The following DACH2 variants were observed in gnomAD, a reference collection of about 807,000 sequenced individuals.
DACH2 encodes dachshund homolog 2.
A neutral mutation model predicts 35.8 loss-of-function variants in DACH2; 17 were observed. The ratio of observed to expected loss-of-function variants is 0.48; its 90% CI spans 0.33 to 0.71. The LOEUF (loss-of-function observed/expected upper bound fraction) is 0.71, where lower values mean the gene tolerates loss of function less well. Among genes scored for constraint, DACH2 ranks in the 30% least tolerant of loss-of-function variants. DACH2 has a pLI of 0.02. For missense variants in DACH2, 469 were observed against 472.7 expected (o/e 0.99, Z 0.07); for synonymous variants, 195 against 177.3 (o/e 1.10, Z -0.79).
At chrX:86,634,083 C>A (rs2040233880) in intron 3 of DACH2, among the ~76,000 whole-genome samples, 1 of 110,901 alleles carries the variant, frequency 9.0e-6, no homozygotes, top group Non-Finnish European at 1.9e-5. Flanking sequence ...GCAAGCATTT[C>A]TTACCATGGC....
At chrX:86,705,671 A>G (rs1203913175) in intron 5 of DACH2, among the ~76,000 whole-genome samples, 1 of 111,479 alleles carries the variant, frequency 9.0e-6, no homozygotes, top group Non-Finnish European at 1.9e-5. Flanking sequence ...GCCTCTATGG[A>G]AAACAATATG....
At chrX:86,680,207 A>T (rs1235288235) in intron 4 of DACH2, among the ~76,000 whole-genome samples, 1 of 112,090 alleles carries the variant, frequency 8.9e-6, no homozygotes, top group Non-Finnish European at 1.9e-5. Flanking sequence ...ACATAACTGC[A>T]TGCTTTAAAA....
chrX:86,412,587 G>C (rs993538567), intron 2 of DACH2, among the ~76,000 whole-genome samples: 1 of 111,937 alleles, frequency 8.9e-6, no homozygotes, highest in South Asian at 3.7e-4. Flanking sequence ...TAGCCATAAA[G>C]TGAGGGCCTT....
chrX:86,646,817 TC>T (rs1265283131), intron 3 of DACH2, among the ~76,000 whole-genome samples: 1 of 108,923 alleles, frequency 9.2e-6, no homozygotes, highest in African/African-American at 3.4e-5. Context: ...CACTTATACA[TC>T]CTAAATATAT....
intron 3 of DACH2, among the ~76,000 whole-genome samples, chrX:86,516,661 C>T (rs949551962): frequency 1.5e-4 from 16 of 110,069 alleles, no homozygotes; most frequent in African/African-American, 4.3e-4. Flanking sequence ...TTTCATCACC[C>T]GGGTATTAAG....
chrX:86,720,861 G>A (rs2041397784), intron 6 of DACH2, among the ~76,000 whole-genome samples: 1 of 112,602 alleles, frequency 8.9e-6, no homozygotes, highest in African/African-American at 3.2e-5. Context: ...GATATCCAAA[G>A]GTTTCCATAC....
At chrX:86,725,354 C>T (rs2041454557) in intron 6 of DACH2, among the ~76,000 whole-genome samples, 2 of 111,452 alleles carry the variant, frequency 1.8e-5, no homozygotes, top group Admixed American at 9.6e-5. Flanking sequence ...TTGGTTGAGT[C>T]GGATACTTTG....
rs759529012 is a variant in DACH2, at chrX:86,642,571, A to T, written c.641-8465A>T. On this transcript the variant is annotated intron_variant, in intron 3 of 11. Transcript: ENST00000373125. ...ATTGAGGAAGAAAATGAACAAACAT[A>T]CTGAGGACATAAACTCAGCATTGGA... Among the ~76,000 whole-genome samples the T allele has an allele frequency of 8.0e-5, 9 of 111,939 alleles. No homozygotes were observed. In the South Asian group the frequency reaches 3.4e-3, roughly 42 times the overall value.
rs968166923 is a variant in DACH2 at position 86,243,536 on chromosome X, G to C, written c.488+94428G>C. On this transcript the variant is annotated intron_variant, in intron 1 of 11. Coordinates refer to ENST00000373125, the MANE Select transcript of DACH2 (RefSeq NM_053281.3). ...TTTTCTGGTCATTACCTGTGTAAGA[G>C]AGATTTTTTTTTCTACCTTAATAGA... is the stretch of plus-strand genomic sequence containing the variant. 7.2e-5 allele frequency among the ~76,000 whole-genome samples: 8 copies of C among 111,534 alleles called. No homozygotes were observed. In the South Asian group the frequency reaches 1.1e-3, roughly 16 times the overall value.
intron 2 of DACH2, among the ~76,000 whole-genome samples, chrX:86,396,106 T>A (rs1270343824): frequency 1.8e-5 from 2 of 112,255 alleles, no homozygotes; most frequent in Non-Finnish European, 3.8e-5. Context: ...GGTATCTCAT[T>A]GTGGTTTTGA....
intron 3 of DACH2, among the ~76,000 whole-genome samples, chrX:86,579,391 C>G (rs1309598646): frequency 9.0e-6 from 1 of 111,169 alleles, no homozygotes; most frequent in African/African-American, 3.3e-5. Flanking sequence ...CTGCACCCAG[C>G]TACCATTTTT....
At chrX:86,442,391 G>GTGTGT (rs1556160713) in intron 2 of DACH2, among the ~76,000 whole-genome samples, 1 of 70,513 alleles carries the variant, frequency 1.4e-5, no homozygotes, top group East Asian at 5.1e-4. Context: ...GTGTGTGTAT[G>GTGTGT]TTTTTTTTTT....
intron 1 of DACH2, among the ~76,000 whole-genome samples, chrX:86,159,001 T>C (rs983097246): frequency 9.0e-5 from 10 of 111,672 alleles, no homozygotes; most frequent in African/African-American, 3.2e-4. Flanking sequence ...ATGACCATAG[T>C]TAATTGACCT....
At chrX:86,812,794 G>A (rs534517265) in intron 7 of DACH2, 62 bp from the exon 8 acceptor site, 16 of 866,405 alleles carry the variant, frequency 1.8e-5, no homozygotes, top group African/African-American at 1.7e-4. Context: ...AGTAGAGGTG[G>A]CTTAGTGAGA....
At chrX:86,259,270 T>A (rs1174894157) in intron 1 of DACH2, among the ~76,000 whole-genome samples, 3 of 112,309 alleles carry the variant, frequency 2.7e-5, no homozygotes, top group African/African-American at 9.7e-5. Context: ...AGCTTTTTCC[T>A]TAGTGTTCTT....
At chrX:86,498,290 C>T (rs979582338) in intron 2 of DACH2, among the ~76,000 whole-genome samples, 1 of 111,587 alleles carries the variant, frequency 9.0e-6, no homozygotes, top group African/African-American at 3.3e-5. Flanking sequence ...TAAACTAATT[C>T]TTTAATACAA....
chrX:86,754,186 A>G (rs772472002), intron 7 of DACH2, among the ~76,000 whole-genome samples: 1 of 111,911 alleles, frequency 8.9e-6, no homozygotes, highest in Non-Finnish European at 1.9e-5. Context: ...TAACGTAAAC[A>G]TTGAAATGAA....
intron 2 of DACH2, among the ~76,000 whole-genome samples, chrX:86,502,489 A>AT (rs759443396): frequency 3.6e-5 from 4 of 112,015 alleles, no homozygotes; most frequent in South Asian, 3.7e-4. Flanking sequence ...CAATCAACAT[A>AT]TTTTTTTCTA....
At chrX:86,268,493 T>TA (rs999362639) in intron 1 of DACH2, among the ~76,000 whole-genome samples, 1 of 18,975 alleles carries the variant, frequency 5.3e-5, no homozygotes, top group African/African-American at 3.4e-4. Flanking sequence ...TTAAAACATT[T>TA]ATTTTATTTT....
Sources: allele counts gnomAD v4.1 joint callset (sites outside exome capture counted in the v4.1 genomes callset), GRCh38; gene constraint gnomAD v4.1.1; transcripts MANE v1.5; gene names NCBI Gene and HGNC (gene_info 2026-07-23, HGNC 2026-07-21).